Variants in RNF212 observed in about 807,000 individuals in gnomAD.
RNF212 encodes ring finger protein 212.
RNF212 carries 33 observed loss-of-function variants against 34.7 expected under a neutral mutation model. The observed-to-expected ratio is 0.95, with a 90% CI of 0.72 to 1.27. The LOEUF (loss-of-function observed/expected upper bound fraction) is 1.27, where lower values mean the gene tolerates loss of function less well. RNF212 is among the 50% of genes most tolerant of loss of function. The pLI is 0.00. For missense variants in RNF212, 377 were observed against 362.2 expected (o/e 1.04, Z -0.33); for synonymous variants, 140 against 136.1 (o/e 1.03, Z -0.20).
At chr4:1,099,804 G>A (rs1723662552) in intron 2 of RNF212, 6 of 456,244 alleles carry the variant, frequency 1.3e-5, no homozygotes, top group South Asian at 3.1e-5. Flanking sequence ...CAGAGCAATC[G>A]AGTCCACAAG....
At chr4:1,068,401 T>G (rs1251054263), downstream of RNF212, among the ~76,000 whole-genome samples, 3 of 152,202 alleles carry the variant, frequency 2.0e-5, no homozygotes, top group African/African-American at 7.2e-5. Context: ...TAAAAATCCC[T>G]CTTGATTTTT....
At chr4:1,058,647 CTACCTTTA>C (rs1717524599) in intron 3 of RNF212, among the ~76,000 whole-genome samples, 1 of 152,240 alleles carries the variant, frequency 6.6e-6, no homozygotes, top group Admixed American at 6.5e-5. Context: ...TTTAATCTTT[CTACCTTTA>C]TGCACCTCTG....
chr4:1,090,925 A>C, intron 3 of RNF212, 87 bp from the exon 4 acceptor site: 1 of 821,046 alleles, frequency 1.2e-6, no homozygotes, highest in Admixed American at 1.9e-5. Context: ...GGCTGGAGGG[A>C]CTCTCAGGAG....
At chr4:1,102,457 T>C (rs929078865) in intron 2 of RNF212, among the ~76,000 whole-genome samples, 1 of 152,134 alleles carries the variant, frequency 6.6e-6, no homozygotes, top group Non-Finnish European at 1.5e-5. Context: ...TATGTATACA[T>C]GGACACACAC....
intron 2 of RNF212, among the ~76,000 whole-genome samples, chr4:1,102,109 C>G (rs1054882843): frequency 1.3e-5 from 2 of 152,060 alleles, no homozygotes; most frequent in Admixed American, 6.6e-5. Flanking sequence ...TGTAATATTA[C>G]AGAGGAAAGG....
At chr4:1,108,502 G>A (rs1335502428) in intron 1 of RNF212, 98 bp from the exon 2 acceptor site, 4 of 575,458 alleles carry the variant, frequency 7.0e-6, no homozygotes, top group Non-Finnish European at 1.1e-5. Flanking sequence ...AAATAGGCAG[G>A]ATTGTATCAC....
At chr4:1,085,777 C>G in intron 5 of RNF212, 119 bp downstream of exon 5, 1 of 748,312 alleles carries the variant, frequency 1.3e-6, no homozygotes. Context: ...GGTAAATGAA[C>G]GAGCTCTTCC....
intron 3 of RNF212, among the ~76,000 whole-genome samples, chr4:1,065,082 A>G (rs756970384): frequency 5.9e-5 from 9 of 152,246 alleles, no homozygotes; most frequent in Non-Finnish European, 1.0e-4. Flanking sequence ...GACACTGTGA[A>G]TAATACTGCT....
At chr4:1,094,830 G>C (rs574625160) in intron 3 of RNF212, among the ~76,000 whole-genome samples, 2 of 152,186 alleles carry the variant, frequency 1.3e-5, no homozygotes, top group Non-Finnish European at 2.9e-5. Context: ...GGCATCTTGC[G>C]CAAAGGACCC....
At chr4:1,073,472 A>G (rs1244675269) in intron 9 of RNF212, 127 bp downstream of exon 9, 11 of 785,730 alleles carry the variant, frequency 1.4e-5, no homozygotes, top group Admixed American at 8.5e-5. Context: ...GTAGCCTCCC[A>G]TGCACCGGGT....
chr4:1,089,486 T>A (rs766376360), intron 4 of RNF212, among the ~76,000 whole-genome samples: 68 of 152,108 alleles, frequency 4.5e-4, no homozygotes, highest in Non-Finnish European at 8.4e-4. Context: ...TTGTCTCTGA[T>A]GAGATTTTGG....
upstream of RNF212, chr4:1,113,632 G>A: frequency 4.0e-6 from 2 of 505,546 alleles, no homozygotes; most frequent in African/African-American, 2.1e-5. Context: ...CCAACCTCGC[G>A]GGTTCTCCCG....
intron 3 of RNF212, among the ~76,000 whole-genome samples, chr4:1,063,705 AAAAAAAG>A (rs1226396881): frequency 6.6e-6 from 1 of 150,524 alleles, no homozygotes; most frequent in Non-Finnish European, 1.5e-5. Flanking sequence ...AAAAAAAAAA[AAAAAAAG>A]AAAAAAGAAA....
chr4:1,064,221 A>G (rs1167608475), intron 3 of RNF212, among the ~76,000 whole-genome samples: 2 of 152,232 alleles, frequency 1.3e-5, no homozygotes, highest in Non-Finnish European at 2.9e-5. Flanking sequence ...ATATGTACAT[A>G]AATACATATG....
At chr4:1,057,037 G>C in intron 4 of RNF212, 1 of 968,980 alleles carries the variant, frequency 1.0e-6, no homozygotes, top group East Asian at 1.1e-4. Context: ...CATCATGAAT[G>C]CTCGGAGCAT....
chr4:1,083,800 G>A (rs932869169), intron 5 of RNF212, among the ~76,000 whole-genome samples: 1 of 152,180 alleles, frequency 6.6e-6, no homozygotes. Context: ...GGGAGCTGCA[G>A]GTTGTGGCTG....
chr4:1,098,318 G>A (rs1723383168), intron 2 of RNF212, among the ~76,000 whole-genome samples: 1 of 152,186 alleles, frequency 6.6e-6, no homozygotes, highest in African/African-American at 2.4e-5. Context: ...ATCTTGAATT[G>A]ACCAGACTGA....
chr4:1,093,509 G>C, intron 3 of RNF212: 1 of 1,417,278 alleles, frequency 7.1e-7, no homozygotes, highest in Non-Finnish European at 9.1e-7. Flanking sequence ...GACAAACAGT[G>C]GGGCCACGAG....
chr4:1,103,491 C>A (rs1294116489), intron 2 of RNF212, among the ~76,000 whole-genome samples: 2 of 152,068 alleles, frequency 1.3e-5, no homozygotes, highest in Non-Finnish European at 2.9e-5. Context: ...GTGCAAAAAA[C>A]CCCATGCAAA....
Sources: gnomAD v4.1 joint callset for allele counts (sites outside exome capture counted in the v4.1 genomes callset) on GRCh38, gnomAD v4.1.1 for gene constraint, MANE v1.5 for transcripts, NCBI Gene and HGNC (gene_info 2026-07-23, HGNC 2026-07-21) for gene names.